The following RPTOR variants were observed in gnomAD, a reference collection of about 807,000 sequenced individuals.
RPTOR encodes the protein regulatory-associated protein of mTOR.
Under a neutral mutation model 169.9 loss-of-function variants are expected in RPTOR, and 21 were observed. The observed-to-expected ratio is 0.12, with a 90% confidence interval of 0.09 to 0.18. RPTOR has a LOEUF of 0.18. Ranked by LOEUF, RPTOR falls within the 10% of genes least tolerant of loss-of-function variation. The pLI is 1.00. For missense variants in RPTOR, 1,133 were observed against 1,855.9 expected (o/e 0.61, Z 7.16); for synonymous variants, 732 against 753.2 (o/e 0.97, Z 0.46).
At chr17:80,862,759 G>GTCCCTGTGACTCC (rs200761854) in intron 13 of RPTOR, among the ~76,000 whole-genome samples, 1,841 of 150,950 alleles carry the variant, frequency 0.012, 40 homozygotes, top group African/African-American at 0.044. Flanking sequence ...GCCCTCAGCC[G>GTCCCTGTGACTCC]TCCCTGTGAC....
intron 21 of RPTOR, among the ~76,000 whole-genome samples, chr17:80,921,163 T>C (rs2068740209): frequency 6.6e-6 from 1 of 152,248 alleles, no homozygotes; most frequent in African/African-American, 2.4e-5. Flanking sequence ...TCCTAAATTC[T>C]AAGTGAATAA....
intron 14 of RPTOR, 136 bp from the exon 15 acceptor site, chr17:80,883,283 G>A (rs111947116): frequency 1.3e-6 from 1 of 764,126 alleles, no homozygotes; most frequent in Non-Finnish European, 2.3e-6. Context: ...GTAAAATCCA[G>A]GAGTAAAGCT....
chr17:80,629,677 C>G (rs558189317), intron 2 of RPTOR, among the ~76,000 whole-genome samples: 4 of 150,010 alleles, frequency 2.7e-5, no homozygotes, highest in Non-Finnish European at 5.9e-5. Context: ...GGACTCAGCT[C>G]TCTATGTATT....
chr17:80,835,585 A>G (rs1598340664), intron 9 of RPTOR, among the ~76,000 whole-genome samples: 1 of 152,090 alleles, frequency 6.6e-6, no homozygotes, highest in Non-Finnish European at 1.5e-5. Context: ...AAAATCCGAA[A>G]CTCTGTGAGG....
intron 3 of RPTOR, among the ~76,000 whole-genome samples, chr17:80,700,826 G>T (rs1265927989): frequency 9.8e-6 from 1 of 102,446 alleles, no homozygotes; most frequent in Non-Finnish European, 2.0e-5. Flanking sequence ...GGTGATGGTG[G>T]TGGTGGTGGT....
Position 80,823,361 on chromosome 17 carries a change from A to AT in RPTOR, c.1136+138_1136+139insT. The AT allele has an allele frequency of 4.1e-6, 4 of 968,290 alleles. No individual in the cohort carries two copies. Among genetic ancestry groups the AT allele is most frequent in the South Asian group, 2.2e-5 (1 of 46,458 alleles). 60.0% of individuals were successfully genotyped at this position (968,290 alleles called of 1,614,324 possible). The stretch of plus-strand genomic sequence containing the variant: ...CCGTGTAGCATTAACAAGTGAAGCT[A>AT]AATGCAGGGCTCCCAGAGATCTCCA... On this transcript the variant is annotated intron_variant, in intron 9 of 33. Coordinates refer to ENST00000306801, the MANE Select transcript of RPTOR (RefSeq NM_020761.3). The surrounding 1 kb of genome is among the most constrained non-coding windows in gnomAD (Gnocchi z 4.5).
chr17:80,586,730 C>T (rs904673696), intron 1 of RPTOR, among the ~76,000 whole-genome samples: 7 of 152,210 alleles, frequency 4.6e-5, no homozygotes, highest in African/African-American at 7.2e-5. Flanking sequence ...GTGTCCGTTC[C>T]TTCTACTCCA....
chr17:80,700,997 C>G (rs1404153693), intron 3 of RPTOR, among the ~76,000 whole-genome samples: 1 of 152,048 alleles, frequency 6.6e-6, no homozygotes, highest in Non-Finnish European at 1.5e-5. Context: ...GGGTGAAAGA[C>G]AAGAAGGTGT....
At chr17:80,925,593 G>T in intron 24 of RPTOR, 113 bp downstream of exon 24, 1 of 819,698 alleles carries the variant, frequency 1.2e-6, no homozygotes, top group Non-Finnish European at 2.0e-6. Flanking sequence ...CATTGTGGTC[G>T]TGGTAGTGAT....
At position 80,792,863 on chromosome 17, in the gene RPTOR, C is replaced by T. The variant is rs531162387; in HGVS notation, c.890+1354C>T. On this transcript the variant is annotated intron_variant, in intron 7 of 33. Transcript: ENST00000306801. The stretch of plus-strand genomic sequence containing the variant: ...TTCTGAGTTTTAGAGCTCTCTATTA[C>T]CTGTAACGTATATATTGCCCCCGCC... 3.9e-5 allele frequency among the ~76,000 whole-genome samples: 6 copies of T among 152,184 alleles called. No individual in the cohort carries two copies. In the East Asian group the frequency reaches 9.7e-4, roughly 25 times the overall value.
At chr17:80,592,226 G>C (rs751084626) in intron 1 of RPTOR, among the ~76,000 whole-genome samples, 39 of 152,340 alleles carry the variant, frequency 2.6e-4, no homozygotes, top group Non-Finnish European at 5.1e-4. Context: ...AGGTAGGAGA[G>C]AGAGGCCTAG....
chr17:80,884,980 A>G (rs1364066843), intron 16 of RPTOR, 28 bp from the exon 17 acceptor site: 4 of 1,599,984 alleles, frequency 2.5e-6, no homozygotes, highest in African/African-American at 2.7e-5. Context: ...GGTGTGGGAC[A>G]TGCCTGTGAC....
chr17:80,711,849 T>C (rs949853004), intron 4 of RPTOR, among the ~76,000 whole-genome samples: 6 of 148,834 alleles, frequency 4.0e-5, no homozygotes, highest in Non-Finnish European at 7.4e-5. Context: ...GTTCAAGCAA[T>C]TCTTCTGCCT....
At position 80,582,025 on chromosome 17, in the gene RPTOR, G is replaced by A. The variant is rs185730173; in HGVS notation, c.162+36234G>A. 6.6e-4 allele frequency among the ~76,000 whole-genome samples: 101 copies of A among 152,314 alleles called. 1 individual carries two copies. The highest frequency in any genetic ancestry group is 2.2e-3 in the African/African-American group (93 of 41,562). ...TCCAGGCTGAGAAGTGCTGCCCTGG[G>A]CACTAGAGAGGGAGAGCTCTGGCCA... On this transcript the variant is annotated intron_variant, in intron 1 of 33. Transcript: ENST00000306801.
At chr17:80,781,028 G>A (rs2066937025) in intron 6 of RPTOR, among the ~76,000 whole-genome samples, 1 of 152,182 alleles carries the variant, frequency 6.6e-6, no homozygotes, top group Non-Finnish European at 1.5e-5. Context: ...CAGCCACTTA[G>A]CCAGCAGGGT....
At chr17:80,963,742 TCCCCTCTGCGGC>T (rs2069380968) in intron 33 of RPTOR, among the ~76,000 whole-genome samples, 5 of 71,050 alleles carry the variant, frequency 7.0e-5, no homozygotes, top group Admixed American at 2.9e-4. Flanking sequence ...CCTCACCCCG[TCCCCTCTGCGGC>T]CCTCACCCCG....
chr17:80,771,167 C>T (rs2066839440), intron 6 of RPTOR, among the ~76,000 whole-genome samples: 1 of 152,178 alleles, frequency 6.6e-6, no homozygotes, highest in Non-Finnish European at 1.5e-5. Flanking sequence ...CTGAAGCTCC[C>T]ACTCTCTGGC....
At chr17:80,751,502 A>G (rs760890372) in intron 5 of RPTOR, among the ~76,000 whole-genome samples, 9 of 152,182 alleles carry the variant, frequency 5.9e-5, no homozygotes, top group Non-Finnish European at 1.0e-4. Flanking sequence ...AGAACTACGC[A>G]ACTAAAAGTA....
chr17:80,807,726 CA>C (rs1333859881), intron 7 of RPTOR, among the ~76,000 whole-genome samples: 1 of 151,948 alleles, frequency 6.6e-6, no homozygotes, highest in Non-Finnish European at 1.5e-5. Flanking sequence ...AATTTTATTA[CA>C]CCTTTCTTCT....
Sources: gnomAD v4.1 joint callset for allele counts (sites outside exome capture counted in the v4.1 genomes callset) on GRCh38, gnomAD v4.1.1 for gene constraint, Gnocchi (gnomAD v3.1) non-coding constraint, MANE v1.5 for transcripts, NCBI Gene and HGNC (gene_info 2026-07-23, HGNC 2026-07-21) for gene names.